Variants in PLEKHA5 observed in about 807,000 individuals in gnomAD.
PLEKHA5 encodes the protein pleckstrin homology domain-containing family A member 5.
In PLEKHA5, 55 loss-of-function variants were observed where a neutral mutation model predicts 181.9. The ratio of observed to expected loss-of-function variants is 0.30; its 90% CI spans 0.24 to 0.38. The LOEUF is 0.38. Among genes scored for constraint, PLEKHA5 ranks in the 10% least tolerant of loss-of-function variants. The probability of loss-of-function intolerance (pLI) is 1.00; values close to 1 mark genes in which losing one functional copy is unlikely to be tolerated. For synonymous variants in PLEKHA5, 535 were observed against 529.4 expected, an observed-to-expected ratio of 1.01 and a Z score of -0.15; for missense variants, 1,432 against 1,549.5, an observed-to-expected ratio of 0.92 and a Z score of 1.27.
intron 15 of PLEKHA5, among the ~76,000 whole-genome samples, chr12:19,293,233 A>G (rs1001927960): frequency 1.3e-5 from 2 of 152,220 alleles, no homozygotes; most frequent in Non-Finnish European, 2.9e-5. Flanking sequence ...AGTTGTATTT[A>G]AAGAGGGATT....
At chr12:19,156,077 T>C (rs901838239) in intron 3 of PLEKHA5, among the ~76,000 whole-genome samples, 1 of 152,248 alleles carries the variant, frequency 6.6e-6, no homozygotes, top group Non-Finnish European at 1.5e-5. Flanking sequence ...TTTTATAATC[T>C]TGCTTTTTGA....
intron 3 of PLEKHA5, among the ~76,000 whole-genome samples, chr12:19,178,942 G>A (rs1432100754): frequency 6.6e-6 from 1 of 152,192 alleles, no homozygotes; most frequent in Non-Finnish European, 1.5e-5. Context: ...AATCATGTAT[G>A]TCCTAGTTGG....
At chr12:19,347,256 A>G in intron 24 of PLEKHA5, 74 bp downstream of exon 24, 1 of 890,150 alleles carries the variant, frequency 1.1e-6, no homozygotes. Context: ...TTTATTTTAC[A>G]CTCAAACTTT....
chr12:19,162,722 T>C (rs2043251436), intron 3 of PLEKHA5, among the ~76,000 whole-genome samples: 1 of 152,196 alleles, frequency 6.6e-6, no homozygotes, highest in Non-Finnish European at 1.5e-5. Flanking sequence ...TCAATCTCCC[T>C]GCCTCTCAGT....
At chr12:19,307,171 A>G (rs1032157722) in intron 15 of PLEKHA5, 1 of 729,212 alleles carries the variant, frequency 1.4e-6, no homozygotes, top group East Asian at 2.7e-5. Flanking sequence ...GGATACCTCT[A>G]GTAAAGAAAT....
intron 21 of PLEKHA5, among the ~76,000 whole-genome samples, chr12:19,340,963 G>C (rs66572753): frequency 2.4e-5 from 1 of 41,984 alleles, no homozygotes; most frequent in African/African-American, 6.3e-5. Flanking sequence ...AAAAAAAAAA[G>C]AAAGAAAAGA....
chr12:19,319,486 A>G (rs750375796), intron 16 of PLEKHA5, among the ~76,000 whole-genome samples: 57 of 152,194 alleles, frequency 3.7e-4, no homozygotes, highest in Non-Finnish European at 7.4e-4. Flanking sequence ...TAGAGAAAAC[A>G]TATAGAATTG....
chr12:19,200,527 T>G, intron 3 of PLEKHA5: 1 of 1,340,672 alleles, frequency 7.5e-7, no homozygotes, highest in Non-Finnish European at 9.6e-7. Context: ...ATTACTCACC[T>G]CAGAATGCTT....
intron 3 of PLEKHA5, among the ~76,000 whole-genome samples, chr12:19,225,902 G>A (rs182221412): frequency 3.1e-4 from 47 of 152,230 alleles, no homozygotes; most frequent in African/African-American, 1.1e-3. Flanking sequence ...AGAAAATTGT[G>A]CGATTAAAGC....
chr12:19,166,957 A>G (rs749057962), intron 3 of PLEKHA5, among the ~76,000 whole-genome samples: 5 of 152,242 alleles, frequency 3.3e-5, no homozygotes, highest in Non-Finnish European at 7.3e-5. Flanking sequence ...CCAAAAACAT[A>G]AACAATTAAA....
chr12:19,170,334 G>A (rs773641249), intron 3 of PLEKHA5, among the ~76,000 whole-genome samples: 4 of 151,966 alleles, frequency 2.6e-5, no homozygotes, highest in African/African-American at 9.7e-5. Flanking sequence ...CAGATATTTT[G>A]TGTATAAATA....
intron 31 of PLEKHA5, chr12:19,370,975 A>G (rs951945557): frequency 6.8e-6 from 1 of 147,354 alleles, no homozygotes; most frequent in African/African-American, 2.5e-5. Context: ...TGATTTTCAC[A>G]TTCTCAAAAT....
chr12:19,141,130 G>A (rs767547887), intron 3 of PLEKHA5, among the ~76,000 whole-genome samples: 1 of 152,082 alleles, frequency 6.6e-6, no homozygotes, highest in Non-Finnish European at 1.5e-5. Context: ...AGTGATGCAA[G>A]TAAATTCTTC....
At chr12:19,206,353 A>C (rs1565465570) in intron 3 of PLEKHA5, among the ~76,000 whole-genome samples, 2 of 152,144 alleles carry the variant, frequency 1.3e-5, no homozygotes. Context: ...ATGTATTTAT[A>C]ATAGGTGAAC....
intron 3 of PLEKHA5, among the ~76,000 whole-genome samples, chr12:19,246,032 G>A (rs1402660753): frequency 6.8e-6 from 1 of 146,136 alleles, no homozygotes; most frequent in Non-Finnish European, 1.5e-5. Flanking sequence ...AGGCTGTAGT[G>A]TAGTGGCATG....
chr12:19,367,736 C>T (rs1439176800), intron 30 of PLEKHA5, among the ~76,000 whole-genome samples: 5 of 151,390 alleles, frequency 3.3e-5, no homozygotes, highest in Non-Finnish European at 2.9e-5. Context: ...TCCGTCACCA[C>T]GCCTGGCTAA....
chr12:19,251,850 GAA>G (rs1486512594), intron 3 of PLEKHA5, among the ~76,000 whole-genome samples: 2 of 151,218 alleles, frequency 1.3e-5, no homozygotes, highest in Non-Finnish European at 2.9e-5. Flanking sequence ...GTAGAATTGA[GAA>G]AAGGCTAGAA....
intron 15 of PLEKHA5, among the ~76,000 whole-genome samples, chr12:19,312,595 C>T (rs962737834): frequency 2.6e-5 from 4 of 152,200 alleles, no homozygotes; most frequent in Non-Finnish European, 5.9e-5. Flanking sequence ...CTGCAGCTTC[C>T]TCATCTCTCT....
intron 3 of PLEKHA5, among the ~76,000 whole-genome samples, chr12:19,185,256 T>C (rs2049559912): frequency 1.3e-5 from 2 of 152,278 alleles, no homozygotes; most frequent in South Asian, 2.1e-4. Context: ...AAACTCCTTA[T>C]TCAGTACTTG....
Sources: gnomAD v4.1 joint callset for allele counts (sites outside exome capture counted in the v4.1 genomes callset) on GRCh38, gnomAD v4.1.1 for gene constraint, MANE v1.5 for transcripts, NCBI Gene and HGNC (gene_info 2026-07-23, HGNC 2026-07-21) for gene names.